The following MYRIP variants were observed in gnomAD, a reference collection of about 807,000 sequenced individuals.
MYRIP encodes the protein rab effector MyRIP.
A neutral mutation model predicts 98.0 loss-of-function variants in MYRIP; 49 were observed. That is an observed-to-expected ratio of 0.50 (90% CI 0.40 to 0.63). The LOEUF (loss-of-function observed/expected upper bound fraction) is 0.63. MYRIP is among the 30% of genes least tolerant of loss of function. The pLI, the probability that MYRIP is intolerant of heterozygous loss-of-function variation, is 0.00. For missense variants in MYRIP, 1,004 were observed against 1,058.2 expected (o/e 0.95, Z 0.71); for synonymous variants, 404 against 409.5 (o/e 0.99, Z 0.16).
At chr3:39,996,189 C>A (rs1056225872) in intron 2 of MYRIP, among the ~76,000 whole-genome samples, 3 of 152,116 alleles carry the variant, frequency 2.0e-5, no homozygotes, top group African/African-American at 7.2e-5. Flanking sequence ...ACAATGTTAA[C>A]CTTAAATGTA....
At chr3:40,158,007 C>T (rs1160693673) in intron 4 of MYRIP, among the ~76,000 whole-genome samples, 3 of 152,080 alleles carry the variant, frequency 2.0e-5, no homozygotes, top group African/African-American at 7.2e-5. Context: ...CAGTTCTGCT[C>T]TGATCTTAGT....
intron 2 of MYRIP, among the ~76,000 whole-genome samples, chr3:39,951,186 T>C (rs1356066624): frequency 6.6e-5 from 10 of 152,192 alleles, no homozygotes; most frequent in Admixed American, 6.6e-4. Context: ...TTTGATGTGA[T>C]GTCAGTGTAT....
intron 1 of MYRIP, among the ~76,000 whole-genome samples, chr3:39,856,543 G>T (rs1369070024): frequency 1.3e-5 from 2 of 152,228 alleles, no homozygotes; most frequent in African/African-American, 4.8e-5. Context: ...CAATTATACA[G>T]CCCAGCCAAA....
chr3:39,891,870 T>G (rs1285277361), intron 1 of MYRIP, among the ~76,000 whole-genome samples: 1 of 151,966 alleles, frequency 6.6e-6, no homozygotes, highest in Admixed American at 6.6e-5. Flanking sequence ...ATTTTAGGAC[T>G]ACTAACCATT....
At chr3:40,221,637 C>T (rs528451253) in intron 11 of MYRIP, among the ~76,000 whole-genome samples, 20 of 152,186 alleles carry the variant, frequency 1.3e-4, no homozygotes, top group South Asian at 2.1e-4. Context: ...TATCAAGAAA[C>T]GAAAAGAATG....
chr3:40,204,685 C>T (rs114441505), intron 10 of MYRIP, among the ~76,000 whole-genome samples: 2,498 of 152,148 alleles, frequency 0.016, 17 homozygotes, highest in East Asian at 0.031. Flanking sequence ...ATCAGTCCTC[C>T]AAACCCTCCA....
At chr3:39,929,099 CAT>C (rs1240882335) in intron 2 of MYRIP, among the ~76,000 whole-genome samples, 23 of 151,910 alleles carry the variant, frequency 1.5e-4, no homozygotes, top group African/African-American at 5.3e-4. Flanking sequence ...CAAATTAAAA[CAT>C]ATGGACACAT....
At chr3:40,127,198 C>T (rs1949541507) in intron 3 of MYRIP, among the ~76,000 whole-genome samples, 1 of 152,076 alleles carries the variant, frequency 6.6e-6, no homozygotes, top group South Asian at 2.1e-4. Flanking sequence ...AAATAGCTAC[C>T]ATTTTCTTAG....
chr3:40,049,642 A>G (rs1233903152), intron 3 of MYRIP, among the ~76,000 whole-genome samples: 1 of 152,118 alleles, frequency 6.6e-6, no homozygotes, highest in African/African-American at 2.4e-5. Context: ...CAAAAAAAAA[A>G]AGGGAAAAGT....
chr3:40,094,435 G>C (rs1948786178), intron 3 of MYRIP, among the ~76,000 whole-genome samples: 1 of 152,180 alleles, frequency 6.6e-6, no homozygotes, highest in Admixed American at 6.5e-5. Flanking sequence ...CTTGCCTTTG[G>C]CCTTCCATCT....
intron 11 of MYRIP, among the ~76,000 whole-genome samples, chr3:40,225,459 T>C (rs574771418): frequency 3.9e-5 from 6 of 152,334 alleles, no homozygotes; most frequent in African/African-American, 1.2e-4. Context: ...ACTGGTCTGA[T>C]TGTGCACTCA....
chr3:39,961,599 C>T (rs571336158), intron 2 of MYRIP, among the ~76,000 whole-genome samples: 4 of 152,056 alleles, frequency 2.6e-5, no homozygotes, highest in Admixed American at 1.3e-4. Flanking sequence ...AGGACAAAAT[C>T]AACCACACTG....
chr3:39,939,695 C>A (rs1944738111), intron 2 of MYRIP, among the ~76,000 whole-genome samples: 1 of 152,012 alleles, frequency 6.6e-6, no homozygotes, highest in South Asian at 2.1e-4. Context: ...CTACCTATAT[C>A]TAGGAAAATA....
intron 1 of MYRIP, among the ~76,000 whole-genome samples, chr3:39,835,239 A>G (rs968194121): frequency 6.6e-6 from 1 of 152,242 alleles, no homozygotes; most frequent in African/African-American, 2.4e-5. Context: ...GAAACTTCTT[A>G]CACAAGAATT....
In MYRIP at chr3:40,152,178, T is replaced by C. The variant is rs147319591; in HGVS notation, c.469+994T>C. On this transcript the variant is annotated intron_variant, in intron 4 of 16. Transcript: ENST00000302541. ...TTTATCACCATTTCAACAATTTCTC[T>C]AAATACTCTGTAGGAATGGAGGCAA... 2.6e-5 allele frequency among the ~76,000 whole-genome samples: 4 copies of C among 152,334 alleles called. No homozygotes were observed. The East Asian group carries it at 7.7e-4, about 29-fold the overall frequency.
chr3:40,085,392 TCTC>T (rs1407052654), intron 3 of MYRIP, among the ~76,000 whole-genome samples: 2 of 152,164 alleles, frequency 1.3e-5, no homozygotes, highest in Non-Finnish European at 2.9e-5. Flanking sequence ...GTCAAGTGAT[TCTC>T]CTCCTCAGCC....
chr3:40,002,967 T>C (rs1482840507), intron 2 of MYRIP, among the ~76,000 whole-genome samples: 3 of 151,828 alleles, frequency 2.0e-5, no homozygotes, highest in Admixed American at 6.6e-5. Context: ...TCTAAAGCTA[T>C]ATCTATATGT....
At chr3:40,205,501 G>A (rs749566969) in intron 10 of MYRIP, among the ~76,000 whole-genome samples, 14 of 152,080 alleles carry the variant, frequency 9.2e-5, no homozygotes, top group Admixed American at 2.6e-4. Flanking sequence ...TACAAATATC[G>A]ATTTATAAGG....
At chr3:40,238,030 A>G (rs888891604) in intron 12 of MYRIP, among the ~76,000 whole-genome samples, 1 of 152,202 alleles carries the variant, frequency 6.6e-6, no homozygotes, top group Non-Finnish European at 1.5e-5. Flanking sequence ...ATCCACTTAC[A>G]GACTGAAGAT....
Sources: allele counts gnomAD v4.1 joint callset (sites outside exome capture counted in the v4.1 genomes callset), GRCh38; gene constraint gnomAD v4.1.1; transcripts MANE v1.5; gene names NCBI Gene and HGNC (gene_info 2026-07-23, HGNC 2026-07-21).